NDUFAB1: variants seen among roughly 807,000 people sequenced by gnomAD.
NDUFAB1 encodes acyl carrier protein, mitochondrial.
In NDUFAB1, 5 loss-of-function variants were observed where a neutral mutation model predicts 16.1. The observed-to-expected ratio is 0.31, with a 90% CI of 0.16 to 0.65. The LOEUF (loss-of-function observed/expected upper bound fraction) is 0.65. Ranked by LOEUF, NDUFAB1 falls within the 30% of genes least tolerant of loss-of-function variation. The probability of loss-of-function intolerance (pLI) is 0.77; values close to 1 mark genes in which losing one functional copy is unlikely to be tolerated. For missense variants in NDUFAB1, 187 were observed against 205.3 expected, an observed-to-expected ratio of 0.91 and a Z score of 0.54; for synonymous variants, 85 against 78.4, an observed-to-expected ratio of 1.08 and a Z score of -0.44.
intron 4 of NDUFAB1, among the ~76,000 whole-genome samples, chr16:23,581,440 G>A (rs1037984880): frequency 6.6e-6 from 1 of 151,918 alleles, no homozygotes; most frequent in African/African-American, 2.4e-5. Flanking sequence ...CAGTTACTCA[G>A]GAGGCTGAGG....
intron 3 of NDUFAB1, among the ~76,000 whole-genome samples, chr16:23,584,139 CTGCCTAGGAAAACCAGAGACCTT>C (rs946788258): frequency 3.0e-4 from 45 of 150,538 alleles, no homozygotes; most frequent in African/African-American, 1.1e-3. Flanking sequence ...CCAGGGTCCT[CTGCCTAGGAAAACCAGAGACCTT>C]TGTTCACTTG....
intron 2 of NDUFAB1, 130 bp downstream of exon 2, chr16:23,587,067 A>C: frequency 1.2e-6 from 1 of 821,278 alleles, no homozygotes; most frequent in East Asian, 2.6e-5. Context: ...AGCGCTGGCT[A>C]TCTCCCAGAA....
At chr16:23,594,776 C>T in intron 1 of NDUFAB1, among the ~76,000 whole-genome samples, 1 of 151,504 alleles carries the variant, frequency 6.6e-6, no homozygotes, top group East Asian at 2.0e-4. Context: ...GCGTGAGCCA[C>T]CACGCCTGGC....
intron 1 of NDUFAB1, among the ~76,000 whole-genome samples, chr16:23,589,233 T>G (rs1966258226): frequency 6.6e-6 from 1 of 151,506 alleles, no homozygotes; most frequent in South Asian, 2.1e-4. Context: ...GAGTCGGAGG[T>G]TGCAGTGAGC....
chr16:23,587,381 C>A (rs946848848), intron 1 of NDUFAB1, 62 bp from the exon 2 acceptor site: 1,106 of 1,569,824 alleles, frequency 7.0e-4, no homozygotes, highest in Admixed American at 5.8e-3. Flanking sequence ...AATCAATGCA[C>A]AAGCCTATAG....
At chr16:23,587,353 G>C in intron 1 of NDUFAB1, 34 bp from the exon 2 acceptor site, 1 of 1,609,774 alleles carries the variant, frequency 6.2e-7, no homozygotes, top group Non-Finnish European at 8.5e-7. Context: ...CACTGTCATT[G>C]AATGGAAAAT....
At chr16:23,582,561 AG>A (rs1966189220) in intron 3 of NDUFAB1, among the ~76,000 whole-genome samples, 186 bp from the exon 4 acceptor site, 1 of 136,986 alleles carries the variant, frequency 7.3e-6, no homozygotes, top group Non-Finnish European at 1.6e-5. Context: ...GATGCTTTGG[AG>A]GTATGTTTGT....
intron 2 of NDUFAB1, among the ~76,000 whole-genome samples, chr16:23,586,978 C>T (rs187181146): frequency 1.3e-5 from 2 of 152,270 alleles, no homozygotes; most frequent in East Asian, 3.9e-4. Context: ...GTGAGAGATA[C>T]ATACATATAA....
intron 1 of NDUFAB1, among the ~76,000 whole-genome samples, chr16:23,593,073 T>C (rs1434983531): frequency 2.6e-5 from 4 of 152,144 alleles, no homozygotes; most frequent in South Asian, 2.1e-4. Context: ...GGCAGGAGGA[T>C]TGCTTGAGCC....
chr16:23,593,526 G>A (rs1293727489), intron 1 of NDUFAB1, among the ~76,000 whole-genome samples: 1 of 152,162 alleles, frequency 6.6e-6, no homozygotes, highest in African/African-American at 2.4e-5. Context: ...AAACCACTTT[G>A]TAAATATAAA....
At chr16:23,586,974 GATAC>G (rs1966238932) in intron 2 of NDUFAB1, among the ~76,000 whole-genome samples, 1 of 152,170 alleles carries the variant, frequency 6.6e-6, no homozygotes, top group Non-Finnish European at 1.5e-5. Context: ...AAGGGTGAGA[GATAC>G]ATACATATAA....
At chr16:23,587,016 C>G (rs1966239340) in intron 2 of NDUFAB1, among the ~76,000 whole-genome samples, 181 bp downstream of exon 2, 1 of 152,208 alleles carries the variant, frequency 6.6e-6, no homozygotes, top group Admixed American at 6.5e-5. Context: ...ACTTCTTTAA[C>G]ATATGCATTG....
chr16:23,594,690 G>A (rs890087584), intron 1 of NDUFAB1, among the ~76,000 whole-genome samples: 2 of 150,890 alleles, frequency 1.3e-5, no homozygotes, highest in African/African-American at 4.9e-5. Flanking sequence ...GTTCCACCAT[G>A]TTGCCTAGGA....
chr16:23,594,719 C>T (rs1966308375), intron 1 of NDUFAB1, among the ~76,000 whole-genome samples: 1 of 147,052 alleles, frequency 6.8e-6, no homozygotes, highest in Non-Finnish European at 1.5e-5. Context: ...AACTCCTGGG[C>T]TCAAGCGATT....
intron 3 of NDUFAB1, among the ~76,000 whole-genome samples, chr16:23,583,950 GA>G (rs1328860650): frequency 1.3e-3 from 193 of 151,852 alleles, no homozygotes; most frequent in African/African-American, 4.5e-3. Flanking sequence ...GTTGATCTAT[GA>G]CCTTACCCCC....
intron 1 of NDUFAB1, among the ~76,000 whole-genome samples, chr16:23,592,008 T>A (rs541237549): frequency 2.0e-5 from 3 of 152,212 alleles, no homozygotes; most frequent in Non-Finnish European, 4.4e-5. Context: ...AATCCACAGA[T>A]CATTTTAGTT....
intron 3 of NDUFAB1, among the ~76,000 whole-genome samples, chr16:23,582,703 G>GCTCCCT (rs1194899365): frequency 1.4e-5 from 2 of 145,488 alleles, no homozygotes; most frequent in South Asian, 2.2e-4. Flanking sequence ...AAGAAACCCA[G>GCTCCCT]CTCCCTCTCC....
intron 1 of NDUFAB1, chr16:23,591,149 C>A (rs2142237472): frequency 6.6e-6 from 1 of 151,278 alleles, no homozygotes. Flanking sequence ...CTAACTGGAT[C>A]TCTGTTGATT....
chr16:23,590,229 A>G (rs1025568878), intron 1 of NDUFAB1, among the ~76,000 whole-genome samples: 5 of 152,212 alleles, frequency 3.3e-5, no homozygotes, highest in South Asian at 2.1e-4. Flanking sequence ...CTCTGACTGG[A>G]GGCCACATGC....
Sources: allele counts gnomAD v4.1 joint callset (sites outside exome capture counted in the v4.1 genomes callset), GRCh38; gene constraint gnomAD v4.1.1; transcripts MANE v1.5; gene names NCBI Gene and HGNC (gene_info 2026-07-23, HGNC 2026-07-21).